Variants in FNDC3A observed in about 807,000 individuals in gnomAD.
FNDC3A encodes the protein fibronectin type III domain containing 3A.
FNDC3A carries 32 observed loss-of-function variants against 148.9 expected under a neutral mutation model. The observed-to-expected ratio is 0.21, with a 90% CI of 0.16 to 0.29. The LOEUF (loss-of-function observed/expected upper bound fraction) is 0.29, where lower values mean the gene tolerates loss of function less well. Ranked by LOEUF, FNDC3A falls within the 10% of genes least tolerant of loss-of-function variation. The pLI, the probability that FNDC3A is intolerant of heterozygous loss-of-function variation, is 1.00. For synonymous variants in FNDC3A, 472 were observed against 473.6 expected, an observed-to-expected ratio of 1.00 and a Z score of 0.04; for missense variants, 1,191 against 1,452.8, an observed-to-expected ratio of 0.82 and a Z score of 2.93.
At chr13:49,073,435 C>T (rs1593551265) in intron 2 of FNDC3A, among the ~76,000 whole-genome samples, 1 of 151,602 alleles carries the variant, frequency 6.6e-6, no homozygotes, top group Non-Finnish European at 1.5e-5. Context: ...TCTGACAAAC[C>T]GAAATGCTCC....
intron 7 of FNDC3A, among the ~76,000 whole-genome samples, chr13:49,143,159 T>A (rs1166200372): frequency 6.6e-6 from 1 of 152,148 alleles, no homozygotes; most frequent in Non-Finnish European, 1.5e-5. Flanking sequence ...TGAGCCCCTG[T>A]GCCCAGCCAT....
At chr13:49,063,778 C>T (rs1037027681) in intron 2 of FNDC3A, among the ~76,000 whole-genome samples, 5 of 152,158 alleles carry the variant, frequency 3.3e-5, no homozygotes, top group Non-Finnish European at 5.9e-5. Flanking sequence ...CCTCACATAG[C>T]TCAGACTGCT....
chr13:48,980,041 A>G (rs563417126), intron 1 of FNDC3A, among the ~76,000 whole-genome samples: 20 of 152,146 alleles, frequency 1.3e-4, no homozygotes, highest in African/African-American at 3.9e-4. Context: ...TATGACTATC[A>G]TGTATATATT....
rs772925881 is a variant in FNDC3A at position 49,131,239 on chromosome 13, C to T, written c.355C>T (p.Leu119=). ...TCTCCACCGTTCTCCACATCCTCCT[C>T]TACCTGGTTTCATTCCTGTCCCAAC... The part of the protein sequence containing the change: ...TVLHRSPHPP[L]PGFIPVPTMM... The change falls in exon 5 of 26, where the codon CTA becomes TTA. Residue 119 remains leucine (L), a synonymous_variant. Coordinates refer to ENST00000492622, the MANE Select transcript of FNDC3A (RefSeq NM_001079673.2). 3 of 1,614,138 alleles carry T rather than the reference C, an allele frequency of 1.9e-6. No individual in the cohort carries two copies. In the Admixed American group the frequency reaches 5.0e-5, roughly 27 times the overall value.
chr13:49,104,396 C>T (rs1027924549), intron 3 of FNDC3A, among the ~76,000 whole-genome samples: 55 of 152,008 alleles, frequency 3.6e-4, no homozygotes, highest in Non-Finnish European at 2.4e-4. Context: ...TGGTGGCGGG[C>T]GCCTGTAGTC....
At chr13:49,200,398 T>A (rs1374055473) in intron 23 of FNDC3A, among the ~76,000 whole-genome samples, 2 of 152,228 alleles carry the variant, frequency 1.3e-5, no homozygotes, top group African/African-American at 4.8e-5. Flanking sequence ...CCTTTGTTCT[T>A]GGCAGAATTT....
At chr13:49,007,828 T>C (rs898907077) in intron 2 of FNDC3A, among the ~76,000 whole-genome samples, 18 of 152,150 alleles carry the variant, frequency 1.2e-4, no homozygotes, top group Non-Finnish European at 2.5e-4. Flanking sequence ...AGGTAGAGTT[T>C]AAAAACAAAC....
chr13:48,978,404 G>A (rs997200353), intron 1 of FNDC3A, among the ~76,000 whole-genome samples: 1 of 151,996 alleles, frequency 6.6e-6, no homozygotes, highest in African/African-American at 2.4e-5. Context: ...TAATATTTGC[G>A]CTGTTTTAAA....
intron 10 of FNDC3A, among the ~76,000 whole-genome samples, chr13:49,169,493 C>A (rs1245945023): frequency 6.6e-6 from 1 of 152,142 alleles, no homozygotes; most frequent in East Asian, 1.9e-4. Context: ...TGATTGTCCC[C>A]CATTCTGCAG....
chr13:49,099,618 G>A (rs1879738877), intron 3 of FNDC3A, among the ~76,000 whole-genome samples: 1 of 152,000 alleles, frequency 6.6e-6, no homozygotes, highest in East Asian at 1.9e-4. Context: ...CTGTTACTTG[G>A]CAGTACTTTT....
intron 4 of FNDC3A, 69 bp from the exon 5 acceptor site, chr13:49,131,068 C>G: frequency 7.7e-7 from 1 of 1,304,934 alleles, no homozygotes; most frequent in Non-Finnish European, 1.1e-6. Context: ...GCCTACCCTA[C>G]TCTTAACATT....
chr13:49,147,305 C>T (rs1382479273), intron 8 of FNDC3A, among the ~76,000 whole-genome samples: 1 of 152,142 alleles, frequency 6.6e-6, no homozygotes, highest in Non-Finnish European at 1.5e-5. Context: ...AGTCATCTCC[C>T]ATATCCTACA....
chr13:49,146,090 A>G (rs946722123), intron 8 of FNDC3A, 155 bp downstream of exon 8: 6 of 577,400 alleles, frequency 1.0e-5, no homozygotes, highest in Non-Finnish European at 1.5e-5. Flanking sequence ...AATGGTCCAA[A>G]TGTAGCTTGG....
intron 8 of FNDC3A, among the ~76,000 whole-genome samples, chr13:49,147,568 G>T (rs925349366): frequency 2.6e-5 from 4 of 151,212 alleles, no homozygotes; most frequent in Non-Finnish European, 5.9e-5. Flanking sequence ...GCTGGTTTGC[G>T]GCTACATACC....
rs532026564 is a variant in FNDC3A, at chr13:49,042,382, C to A, written c.100-32907C>A. On this transcript the variant is annotated intron_variant, in intron 2 of 25. Transcript: ENST00000492622. ...ACTATTTTATCATCTTCCAGCATTT[C>A]TTTATTTTCTGATTCGCTATTTCTG... is the stretch of plus-strand genomic sequence containing the variant. 9.2e-5 allele frequency among the ~76,000 whole-genome samples: 14 copies of A among 152,214 alleles called. No individual in the cohort carries two copies. The South Asian group carries it at 2.7e-3, about 29-fold the overall frequency.
chr13:49,185,975 C>T lies in FNDC3A; in HGVS notation c.1629C>T (p.Tyr543=). The T allele has an allele frequency of 6.2e-7, 1 of 1,610,776 alleles. No homozygotes were observed. The highest frequency in any genetic ancestry group is 1.7e-5 in the Admixed American group (1 of 59,970). ...TGTTCTCATCACAGGTTATTGCTTA[C>T]AACTCAGAAGGTAAAAGTAATCCAA... ...STKYKFKVIA[Y]NSEGKSNPSE... is the part of the protein sequence containing the mutation. The change falls in exon 15 of 26, where the codon TAC becomes TAT. Residue 543 remains tyrosine (Y), a synonymous_variant. Transcript: ENST00000492622.
intron 1 of FNDC3A, among the ~76,000 whole-genome samples, chr13:49,003,460 AT>A (rs149560890): frequency 0.012 from 1,817 of 152,300 alleles, 25 homozygotes; most frequent in African/African-American, 0.032. Flanking sequence ...TATATTCAAA[AT>A]ATATGCTCTT....
In FNDC3A at chr13:49,136,572, G is replaced by A. The variant is rs559303930; in HGVS notation, c.731G>A (p.Gly244Asp). The change falls in exon 6 of 26, where the codon GGT becomes GAT. Residue 244 changes from glycine to aspartate, a missense_variant. Around this residue, in one of 3 missense-constraint regions of FNDC3A, gnomAD observed 426 missense variants for 473.2 expected, o/e 0.90. Coordinates refer to ENST00000492622, the MANE Select transcript of FNDC3A (RefSeq NM_001079673.2). ...AAAATCAAGTCTGGGAAGGGGAAAGGTGGTACACAAGTTGATACAGAAATT... is the reference window on the plus strand; with the variant it reads ...AAAATCAAGTCTGGGAAGGGGAAAGATGGTACACAAGTTGATACAGAAATT... The part of the protein sequence containing the change: ...SAKIKSGKGK[G>D]GTQVDTEIEE... The A allele has an allele frequency of 3.1e-6, 5 of 1,613,682 alleles. No homozygotes were observed. The South Asian group carries it at 3.3e-5, about 11-fold the overall frequency.
At chr13:49,097,279 A>G (rs984167838) in intron 3 of FNDC3A, among the ~76,000 whole-genome samples, 2 of 151,824 alleles carry the variant, frequency 1.3e-5, no homozygotes, top group African/African-American at 4.8e-5. Context: ...AGCAGTTTTT[A>G]TATTTTCCAA....
Sources: gnomAD v4.1 joint callset for allele counts (sites outside exome capture counted in the v4.1 genomes callset) on GRCh38, gnomAD v4.1.1 for gene constraint, gnomAD v4.1.1 regional missense constraint, MANE v1.5 for transcripts, NCBI Gene and HGNC (gene_info 2026-07-23, HGNC 2026-07-21) for gene names.